Variants in ABCA8 observed in about 807,000 individuals in gnomAD.
ABCA8 encodes ATP binding cassette subfamily A member 8.
ABCA8 carries 177 observed loss-of-function variants against 192.3 expected under a neutral mutation model. The ratio of observed to expected loss-of-function variants is 0.92; its 90% confidence interval spans 0.81 to 1.04. The LOEUF (loss-of-function observed/expected upper bound fraction) is 1.04, where lower values mean the gene tolerates loss of function less well. Among genes scored for constraint, ABCA8 ranks in the 50% least tolerant of loss-of-function variants. The pLI, the probability that ABCA8 is intolerant of heterozygous loss-of-function variation, is 0.00. For synonymous variants in ABCA8, 642 were observed against 690.2 expected, an observed-to-expected ratio of 0.93 and a Z score of 1.09; for missense variants, 1,915 against 1,904.8, an observed-to-expected ratio of 1.01 and a Z score of -0.10.
chr17:68,902,579 A>G, intron 21 of ABCA8, 134 bp downstream of exon 21: 1 of 685,528 alleles, frequency 1.5e-6, no homozygotes, highest in Non-Finnish European at 2.2e-6. Flanking sequence ...TGTATTTATT[A>G]TCTTTAAGTT....
intron 37 of ABCA8, among the ~76,000 whole-genome samples, chr17:68,873,528 T>C (rs1340840062): frequency 6.6e-6 from 1 of 152,246 alleles, no homozygotes; most frequent in African/African-American, 2.4e-5. Context: ...TTGTTTCTTT[T>C]GCTGTGTGGA....
Position 68,868,090 on chromosome 17 carries a change from G to C in ABCA8, c.4861C>G (p.Pro1621Ala). The change falls in exon 40 of 40, where the codon CCT (proline) becomes GCT (alanine). Residue 1621 changes from proline to alanine, a missense_variant. By Grantham distance (27) the Pro-to-Ala change is conservative. Coordinates refer to ENST00000586539, the MANE Select transcript of ABCA8 (RefSeq NM_001288985.2). ...GGAACACAGAATTTGGGGTTTTAAG[G>C]CTCTTCCTGGGGGAGGAGCTTCCAC... ...VKWKLLPQEE[P>A] is the part of the protein sequence containing the mutation. 3 of 1,607,984 alleles carry C rather than the reference G, an allele frequency of 1.9e-6. No individual in the cohort carries two copies. Among genetic ancestry groups the C allele is most frequent in the Non-Finnish European group, 2.5e-6 (3 of 1,177,966 alleles).
chr17:68,900,538 C>CAAAAAA (rs35696026), intron 21 of ABCA8, among the ~76,000 whole-genome samples: 2 of 108,894 alleles, frequency 1.8e-5, no homozygotes, highest in Non-Finnish European at 3.8e-5. Flanking sequence ...CACAAAGTCT[C>CAAAAAA]AAAAAAAAAA....
At chr17:68,947,398 G>T (rs2068440458) in intron 2 of ABCA8, among the ~76,000 whole-genome samples, 1 of 152,170 alleles carries the variant, frequency 6.6e-6, no homozygotes, top group Non-Finnish European at 1.5e-5. Flanking sequence ...AAGTTACAGT[G>T]TACTATAATT....
chr17:68,908,739 T>G (rs73998576), intron 17 of ABCA8, among the ~76,000 whole-genome samples: 5,335 of 152,306 alleles, frequency 0.035, 314 homozygotes, highest in African/African-American at 0.12. Flanking sequence ...ATTGAGGTTA[T>G]AAATTATACA....
chr17:68,876,357 T>G (rs1314668304), intron 35 of ABCA8, 103 bp downstream of exon 35: 12 of 1,355,054 alleles, frequency 8.9e-6, no homozygotes, highest in Non-Finnish European at 1.1e-5. Flanking sequence ...GTTTTTTTGT[T>G]CTCCACAAAA....
chr17:68,945,702 T>C (rs775722805), intron 2 of ABCA8, among the ~76,000 whole-genome samples: 9 of 152,232 alleles, frequency 5.9e-5, no homozygotes, highest in Non-Finnish European at 8.8e-5. Flanking sequence ...TCAAGCATAT[T>C]GTTCCAACAT....
intron 7 of ABCA8, among the ~76,000 whole-genome samples, chr17:68,931,261 C>G (rs1317573250): frequency 6.6e-6 from 1 of 152,218 alleles, no homozygotes; most frequent in Non-Finnish European, 1.5e-5. Context: ...TTCCTTAACT[C>G]AGAGAAGCAC....
chr17:68,944,359 T>TATATATATATACACAC (rs765731645), intron 2 of ABCA8, among the ~76,000 whole-genome samples: 6 of 69,474 alleles, frequency 8.6e-5, no homozygotes, highest in African/African-American at 2.2e-4. Context: ...TATATATATA[T>TATATATATATACACAC]ACACATATAC....
Position 68,932,523 on chromosome 17 carries a change from A to G in ABCA8, c.571-9T>C. ...GAGTGATTTGTTGTGATCTGAAGAA[A>G]GGCATTAATAAGCAAAATTTGTACG... On this transcript the variant is annotated splice_polypyrimidine_tract_variant and intron_variant, in intron 6 of 39. Transcript: ENST00000586539. The G allele has an allele frequency of 1.3e-6, 2 of 1,594,572 alleles. No individual in the cohort carries two copies. The highest frequency in any genetic ancestry group is 2.2e-5 in the South Asian group (2 of 90,514).
At chr17:68,870,772 C>T (rs756583246) in intron 37 of ABCA8, among the ~76,000 whole-genome samples, 1 of 152,192 alleles carries the variant, frequency 6.6e-6, no homozygotes, top group Non-Finnish European at 1.5e-5. Flanking sequence ...GTTTACACAT[C>T]TTGGCTATTA....
intron 37 of ABCA8, among the ~76,000 whole-genome samples, chr17:68,870,855 T>C (rs1478733458): frequency 6.6e-6 from 1 of 152,210 alleles, no homozygotes; most frequent in Non-Finnish European, 1.5e-5. Flanking sequence ...TTTGGATACA[T>C]ACCCAGAAAT....
At chr17:68,880,404 C>G (rs1307375825) in intron 32 of ABCA8, 5 of 152,242 alleles carry the variant, frequency 3.3e-5, no homozygotes, top group African/African-American at 1.2e-4. Context: ...AGCTCAGGAC[C>G]TGCCAAATGG....
At chr17:68,875,833 G>T (rs2066190137) in intron 35 of ABCA8, 100 bp from the exon 36 acceptor site, 4 of 1,354,488 alleles carry the variant, frequency 3.0e-6, no homozygotes, top group Non-Finnish European at 3.0e-6. Flanking sequence ...TGAATAATTA[G>T]CAAAAAGAGA....
chr17:68,909,908 G>C (rs1047259347), intron 17 of ABCA8, among the ~76,000 whole-genome samples: 1 of 152,086 alleles, frequency 6.6e-6, no homozygotes, highest in Non-Finnish European at 1.5e-5. Flanking sequence ...AAAAACAGTA[G>C]TTTAAAATAT....
intron 29 of ABCA8, among the ~76,000 whole-genome samples, chr17:68,883,403 G>A (rs2066383026): frequency 6.6e-6 from 1 of 152,200 alleles, no homozygotes; most frequent in South Asian, 2.1e-4. Flanking sequence ...CACTGGCTGG[G>A]ATGCTCACTA....
Position 68,927,964 on chromosome 17 carries a change from T to A in ABCA8, c.1225A>T (p.Thr409Ser). The change falls in exon 10 of 40, where the codon ACT becomes TCT. Residue 409 changes from threonine (T) to serine (S), a missense_variant. Transcript: ENST00000586539. ...VATNFMLAFD[T>S]CLYLALAIYF... ...ATCGCCAATGCCAGATAGAGGCAAG[T>A]GTCAAATGCCAACATGAAATTTGTT... 6.2e-7 allele frequency: 1 copy of A among 1,609,084 alleles called. No individual in the cohort carries two copies. Among genetic ancestry groups the A allele is most frequent in the Non-Finnish European group, 8.5e-7 (1 of 1,178,246 alleles).
chr17:68,896,743 A>G (rs969215895), intron 21 of ABCA8, among the ~76,000 whole-genome samples: 8 of 152,366 alleles, frequency 5.3e-5, no homozygotes, highest in South Asian at 4.1e-4. Context: ...AAGAGAAGCC[A>G]TATATTGCTT....
In ABCA8 at chr17:68,921,487, C is replaced by G. The variant is rs2067532488; in HGVS notation, c.1507G>C (p.Val503Leu). The change falls in exon 13 of 40, where the codon GTA (valine) becomes CTA (leucine). Residue 503 changes from valine (V) to leucine (L), a missense_variant. Transcript: ENST00000586539. Reference protein sequence around the residue: ...PDKIEALKDLVFDIYEGQITA... With the variant: ...PDKIEALKDLLFDIYEGQITA... ...ATTTGGCCTTCGTAAATGTCAAATA[C>G]CAGATCTAGGAAGAAAAAAAGAAAG... The G allele has an allele frequency of 6.3e-7, 1 of 1,589,200 alleles. No individual in the cohort carries two copies. The highest frequency in any genetic ancestry group is 8.6e-7 in the Non-Finnish European group (1 of 1,163,304).
Sources: allele counts gnomAD v4.1 joint callset (sites outside exome capture counted in the v4.1 genomes callset), GRCh38; gene constraint gnomAD v4.1.1; transcripts MANE v1.5; gene names NCBI Gene and HGNC (gene_info 2026-07-23, HGNC 2026-07-21).